The following COL24A1 variants were observed in gnomAD, a reference collection of about 807,000 sequenced individuals.
COL24A1 encodes the protein collagen alpha-1(XXIV) chain.
Under a neutral mutation model 253.9 loss-of-function variants are expected in COL24A1, and 224 were observed. The observed-to-expected ratio is 0.88, with a 90% CI of 0.79 to 0.99. COL24A1 has a LOEUF of 0.99. Among genes scored for constraint, COL24A1 ranks in the 50% least tolerant of loss-of-function variants. The pLI is 0.00. For missense variants in COL24A1, 2,131 were observed against 2,068.5 expected (o/e 1.03, Z -0.59); for synonymous variants, 685 against 673.7 (o/e 1.02, Z -0.26).
intron 7 of COL24A1, among the ~76,000 whole-genome samples, chr1:86,070,728 A>G (rs911427254): frequency 6.6e-6 from 1 of 152,216 alleles, no homozygotes; most frequent in Non-Finnish European, 1.5e-5. Flanking sequence ...AGAATGGTAT[A>G]TCCAGCAAAA....
At chr1:85,830,704 T>C (rs1039804307) in intron 43 of COL24A1, among the ~76,000 whole-genome samples, 38 of 152,262 alleles carry the variant, frequency 2.5e-4, no homozygotes, top group African/African-American at 8.4e-4. Context: ...ATCTGTCACC[T>C]CTTTCTTTGA....
At chr1:85,759,544 C>T (rs1391988485) in intron 55 of COL24A1, among the ~76,000 whole-genome samples, 1 of 151,876 alleles carries the variant, frequency 6.6e-6, no homozygotes, top group Admixed American at 6.6e-5. Context: ...AGGAAAACAG[C>T]ATTATATATG....
At chr1:85,950,892 A>C (rs1370148968) in intron 24 of COL24A1, among the ~76,000 whole-genome samples, 1 of 152,208 alleles carries the variant, frequency 6.6e-6, no homozygotes, top group African/African-American at 2.4e-5. Flanking sequence ...AACTAGTAGA[A>C]GCCAGGTGAG....
At chr1:85,737,581 G>C in intron 57 of COL24A1, 76 bp from the exon 58 acceptor site, 1 of 1,004,168 alleles carries the variant, frequency 1.0e-6, no homozygotes, top group Non-Finnish European at 1.4e-6. Flanking sequence ...TTTTTTTTGA[G>C]AGAGAGAGTC....
At chr1:85,809,452 G>T (rs1672309538) in intron 47 of COL24A1, among the ~76,000 whole-genome samples, 1 of 152,162 alleles carries the variant, frequency 6.6e-6, no homozygotes, top group African/African-American at 2.4e-5. Flanking sequence ...CAACTTGGAG[G>T]TCAGAAGTAA....
chr1:85,840,114 T>C (rs910332645), intron 42 of COL24A1, among the ~76,000 whole-genome samples: 7 of 152,174 alleles, frequency 4.6e-5, no homozygotes, highest in African/African-American at 7.2e-5. Flanking sequence ...CTGTCCCGTG[T>C]CTACTGGATA....
intron 35 of COL24A1, among the ~76,000 whole-genome samples, chr1:85,872,139 G>T (rs1680583485): frequency 6.6e-6 from 1 of 152,260 alleles, no homozygotes; most frequent in South Asian, 2.1e-4. Context: ...GCTTACAAGG[G>T]ATGTGAAGGA....
intron 19 of COL24A1, among the ~76,000 whole-genome samples, chr1:85,993,239 T>C (rs1694455407): frequency 6.6e-6 from 1 of 152,148 alleles, no homozygotes; most frequent in South Asian, 2.1e-4. Context: ...CTACATACAT[T>C]GAGCACTTTA....
At chr1:85,745,390 A>G (rs1210891092) in intron 56 of COL24A1, 51 bp downstream of exon 56, 2 of 1,348,280 alleles carry the variant, frequency 1.5e-6, no homozygotes, top group Admixed American at 2.4e-5. Context: ...TTCTCTGTTT[A>G]ATTGGTATAT....
At chr1:85,843,275 A>G (rs1676820366) in intron 39 of COL24A1, among the ~76,000 whole-genome samples, 1 of 152,192 alleles carries the variant, frequency 6.6e-6, no homozygotes, top group Non-Finnish European at 1.5e-5. Flanking sequence ...TCACATTGCA[A>G]CTATTAACCA....
chr1:86,058,359 T>C (rs983023860), intron 9 of COL24A1, among the ~76,000 whole-genome samples: 20 of 151,410 alleles, frequency 1.3e-4, no homozygotes, highest in African/African-American at 3.6e-4. Flanking sequence ...TCAATGTCCA[T>C]ATATTTACAT....
Position 85,842,328 on chromosome 1 carries a change from A to G in COL24A1, c.3516+12T>C, listed in dbSNP as rs1197146033. 4 of 1,562,348 alleles carry G rather than the reference A, an allele frequency of 2.6e-6. No homozygotes were observed. The Admixed American group carries it at 7.7e-5, about 30-fold the overall frequency. ...TTCATGTGAATATATTTTTTCAATT[A>G]TAAATACTTACCCTGTACCCTGGAA... On this transcript the variant is annotated intron_variant, in intron 40 of 59. Coordinates refer to ENST00000370571, the MANE Select transcript of COL24A1 (RefSeq NM_152890.7).
chr1:86,083,285 G>A (rs1174802082), intron 7 of COL24A1, among the ~76,000 whole-genome samples: 4 of 150,190 alleles, frequency 2.7e-5, no homozygotes, highest in African/African-American at 4.9e-5. Context: ...GCGACAGAGC[G>A]AGGCTCCGTC....
Position 85,730,524 on chromosome 1 carries a change from A to ATT in COL24A1, c.*20_*21dup. On this transcript the variant is annotated 3_prime_UTR_variant, in exon 60 of 60. Coordinates refer to ENST00000370571, the MANE Select transcript of COL24A1 (RefSeq NM_152890.7). ...AGCAATTACCTGGCCAACAGCCTGA[A>ATT]TTCGGAACTAATTCAGAGACTTTAC... is the stretch of plus-strand genomic sequence containing the variant. 2 of 1,611,228 alleles carry ATT rather than the reference A, an allele frequency of 1.2e-6. No homozygotes were observed. Among genetic ancestry groups the ATT allele is most frequent in the Non-Finnish European group, 1.7e-6 (2 of 1,177,938 alleles).
At position 86,125,526 on chromosome 1, in the gene COL24A1, C is replaced by T. The variant is rs372411859; in HGVS notation, c.810G>A (p.Pro270=). 217 of 1,613,334 alleles carry T rather than the reference C, an allele frequency of 1.3e-4. 1 individual carries two copies. Among genetic ancestry groups the T allele is most frequent in the Non-Finnish European group, 1.7e-4 (201 of 1,179,722 alleles). The change falls in exon 3 of 60, where the codon CCG becomes CCA. Residue 270 remains proline, a synonymous_variant. Transcript: ENST00000370571. ...GTACTTTTTCAGCAAATAGTTTGGG[C>T]GGGGGAGAGTGTTCCGGTATCTTTG... ...IPTKIPEHSP[P]PKLFAEKVLS... is the part of the protein sequence containing the mutation.
chr1:86,082,849 T>C (rs67472012), intron 7 of COL24A1, among the ~76,000 whole-genome samples: 12,412 of 151,382 alleles, frequency 0.082, 563 homozygotes, highest in Middle Eastern at 0.13. Context: ...ATTTGCATTA[T>C]ACCACTTGAG....
rs572427864 is a variant in COL24A1 at position 85,987,667 on chromosome 1, A to G, written c.2311-13T>C. ...CTCCTGGAAAACCCTAGGGAATATA[A>G]AAATGTAGCGTTTATTCCATAGAAA... On this transcript the variant is annotated splice_polypyrimidine_tract_variant and intron_variant, in intron 19 of 59. Transcript: ENST00000370571. The G allele has an allele frequency of 6.2e-7, 1 of 1,603,256 alleles. No individual in the cohort carries two copies. Among genetic ancestry groups the G allele is most frequent in the South Asian group, 1.1e-5 (1 of 88,876 alleles).
At chr1:85,985,093 T>A (rs908518107) in intron 20 of COL24A1, among the ~76,000 whole-genome samples, 1 of 151,870 alleles carries the variant, frequency 6.6e-6, no homozygotes, top group African/African-American at 2.4e-5. Context: ...AATAGACACA[T>A]AAGCACATCA....
intron 3 of COL24A1, 26 bp from the exon 4 acceptor site, chr1:86,115,404 A>T (rs751121938): frequency 6.2e-7 from 1 of 1,604,488 alleles, no homozygotes; most frequent in Non-Finnish European, 8.5e-7. Flanking sequence ...TCAAGACATT[A>T]GGCATGATAG....
Sources: gnomAD v4.1 joint callset for allele counts (sites outside exome capture counted in the v4.1 genomes callset) on GRCh38, gnomAD v4.1.1 for gene constraint, MANE v1.5 for transcripts, NCBI Gene and HGNC (gene_info 2026-07-23, HGNC 2026-07-21) for gene names.